Variants in MSI1 observed in about 807,000 individuals in gnomAD.
MSI1 encodes musashi RNA binding protein 1.
Under a neutral mutation model 54.4 loss-of-function variants are expected in MSI1, and 15 were observed. The ratio of observed to expected loss-of-function variants is 0.28; its 90% CI spans 0.18 to 0.42. The LOEUF is 0.42. Among genes scored for constraint, MSI1 ranks in the 20% least tolerant of loss-of-function variants. MSI1 has a pLI of 1.00. For synonymous variants in MSI1, 200 were observed against 196.5 expected (o/e 1.02, Z -0.15); for missense variants, 304 against 506.0 (o/e 0.60, Z 3.83).
At chr12:120,367,968 C>T (rs1565895601) in intron 4 of MSI1, 40 bp downstream of exon 4, 2 of 1,574,238 alleles carry the variant, frequency 1.3e-6, no homozygotes, top group East Asian at 2.3e-5. Context: ...CGGCAGCCTC[C>T]CTCTCCCAAA....
intron 9 of MSI1, 97 bp downstream of exon 9, chr12:120,356,805 G>A: frequency 9.4e-7 from 1 of 1,068,104 alleles, no homozygotes; most frequent in Non-Finnish European, 1.4e-6. Context: ...GACAGGAGGA[G>A]GGCAGACCAC....
chr12:120,356,900 A>ACCCAGCATGCCGATG lies in MSI1; in HGVS notation c.639_652+1dup, dbSNP rs1179872368. 1 of 1,613,086 alleles carries ACCCAGCATGCCGATG rather than the reference A, an allele frequency of 6.2e-7. No individual in the cohort carries two copies. The highest frequency in any genetic ancestry group is 8.5e-7 in the Non-Finnish European group (1 of 1,179,410). On this transcript the variant is annotated splice_donor_variant, in intron 9 of 14. Coordinates refer to ENST00000257552, the MANE Select transcript of MSI1 (RefSeq NM_002442.4). LOFTEE classifies it high-confidence loss of function. ...AAGCCGCAGGCGCAGGCTCGCGCAT[A>ACCCAGCATGCCGATG]CCCAGCATGCCGATGCCCAGCATGA...
rs547256348 is a variant in MSI1 at position 120,369,120 on chromosome 12, A to AGCGGCGGCG, written c.-38_-30dup. On this transcript the variant is annotated 5_prime_UTR_variant, in exon 1 of 15. Transcript: ENST00000257552. Reference sequence around the variant, plus strand: ...GAGCCGCGGGCGGCGCGGGCAGCGGAGCGGCGGCGGCGGCGGCGGCGGCGG... The same window carrying AGCGGCGGCG: ...GAGCCGCGGGCGGCGCGGGCAGCGGAGCGGCGGCGGCGGCGGCGGCGGCGGCGGCGGCGG... The AGCGGCGGCG allele has an allele frequency of 2.7e-4, 274 of 1,003,194 alleles. No homozygotes were observed. The highest frequency in any genetic ancestry group is 1.2e-3 in the East Asian group (11 of 9,412). 62.1% of individuals were successfully genotyped at this position (1,003,194 alleles called of 1,614,324 possible).
At chr12:120,363,176 G>T in intron 5 of MSI1, 41 bp from the exon 6 acceptor site, 2 of 1,567,846 alleles carry the variant, frequency 1.3e-6, no homozygotes, top group Non-Finnish European at 1.8e-6. Flanking sequence ...TCTGAGTCCT[G>T]TGGCCTACCG....
At chr12:120,348,123 A>G (rs1257270522) in intron 11 of MSI1, among the ~76,000 whole-genome samples, 2 of 151,718 alleles carry the variant, frequency 1.3e-5, no homozygotes, top group African/African-American at 4.8e-5. Context: ...CTCCCTGACC[A>G]CCCAGAAATG....
intron 4 of MSI1, among the ~76,000 whole-genome samples, chr12:120,366,502 C>T (rs1365585262): frequency 6.6e-6 from 1 of 152,104 alleles, no homozygotes; most frequent in Admixed American, 6.6e-5. Flanking sequence ...CACCAGCGCA[C>T]CACACACAGT....
chr12:120,364,419 C>G (rs944969200), intron 5 of MSI1, among the ~76,000 whole-genome samples: 3 of 152,128 alleles, frequency 2.0e-5, no homozygotes, highest in African/African-American at 7.2e-5. Context: ...TAGACTCAGG[C>G]TCCAAACTCT....
chr12:120,353,447 C>A, intron 9 of MSI1, 68 bp from the exon 10 acceptor site: 1 of 1,377,096 alleles, frequency 7.3e-7, no homozygotes, highest in Non-Finnish European at 1.0e-6. Flanking sequence ...GGAGAAGGAC[C>A]TGAGCCACTC....
intron 7 of MSI1, 37 bp downstream of exon 7, chr12:120,358,968 G>C (rs771069077): frequency 1.3e-5 from 21 of 1,559,642 alleles, no homozygotes; most frequent in African/African-American, 5.4e-5. Context: ...GCTGACCACG[G>C]GGCCCAGCCT....
At position 120,346,265 on chromosome 12, in the gene MSI1, C is replaced by A. The variant is rs759570454; in HGVS notation, c.917G>T (p.Gly306Val). Residue 306 changes from glycine to valine, a missense_variant, in exon 13 of 15, where the codon GGC becomes GTC. Transcript: ENST00000257552. ...PPGSTPSRTGGFLGTTSPGPM... is the reference protein window; with the variant it reads ...PPGSTPSRTGVFLGTTSPGPM... Reference sequence around the variant, plus strand: ...GCCGGGGCTGGTGGTCCCCAGGAAGCCCCCTGTGCGGCTGGGAGTCGAACC... The same window carrying A: ...GCCGGGGCTGGTGGTCCCCAGGAAGACCCCTGTGCGGCTGGGAGTCGAACC... The A allele has an allele frequency of 4.4e-6, 7 of 1,590,872 alleles. 1 individual carries two copies. The African/African-American group carries it at 9.4e-5, about 21-fold the overall frequency.
At position 120,368,929 on chromosome 12, in the gene MSI1, A is replaced by G. The variant is rs1199311157; in HGVS notation, c.60-56T>C. 3 of 1,306,048 alleles carry G rather than the reference A, an allele frequency of 2.3e-6. No individual in the cohort carries two copies. The highest frequency in any genetic ancestry group is 3.1e-5 in the African/African-American group (2 of 63,590). 80.9% of individuals were successfully genotyped at this position (1,306,048 alleles called of 1,614,324 possible). A position where few individuals can be genotyped will look rare whatever the true frequency, so the allele number is the denominator to read the frequency against. On this transcript the variant is annotated intron_variant, in intron 1 of 14. Transcript: ENST00000257552. The surrounding 1 kb of genome is among the most constrained non-coding windows in gnomAD (Gnocchi z 6.6). ...GCGTGAGCGCCGGGCGCCAGGGCGC[A>G]GGGGGCGCGGGCCCGGGCTCCGGGG... is the stretch of plus-strand genomic sequence containing the variant.
intron 7 of MSI1, among the ~76,000 whole-genome samples, chr12:120,358,625 G>A (rs1290866459): frequency 6.6e-6 from 1 of 152,194 alleles, no homozygotes; most frequent in Admixed American, 6.5e-5. Flanking sequence ...CGGGGCTGGG[G>A]GCTGGGGGCT....
rs1329452870 is a variant in MSI1 at position 120,359,160 on chromosome 12, T to C, written c.403-107A>G. 8.0e-6 allele frequency: 11 copies of C among 1,377,864 alleles called. No individual in the cohort carries two copies. In the East Asian group the frequency reaches 2.0e-4, roughly 25 times the overall value. The allele number at this position is 1,377,864 out of a possible 1,614,324, so 85.4% of individuals were successfully genotyped here. On this transcript the variant is annotated intron_variant, in intron 6 of 14. Transcript: ENST00000257552. ...ACTGCCCTCTTGCCCACTCCAGGCT[T>C]GACCTTCAACCTGCTCCCTGCACAG...
At chr12:120,347,634 G>GC (rs1463754329) in intron 11 of MSI1, 120 bp from the exon 12 acceptor site, 4 of 1,229,224 alleles carry the variant, frequency 3.3e-6, no homozygotes, top group Admixed American at 3.8e-5. Flanking sequence ...GTTCCATGTA[G>GC]CCCCAGGGTC....
At chr12:120,353,447 C>T (rs1874818988) in intron 9 of MSI1, 68 bp from the exon 10 acceptor site, 2 of 1,377,000 alleles carry the variant, frequency 1.5e-6, no homozygotes, top group African/African-American at 1.4e-5. Flanking sequence ...GGAGAAGGAC[C>T]TGAGCCACTC....
At chr12:120,351,494 G>A (rs1476169068) in intron 10 of MSI1, 94 bp from the exon 11 acceptor site, 1 of 1,133,362 alleles carries the variant, frequency 8.8e-7, no homozygotes, top group African/African-American at 1.5e-5. Context: ...GACACTGGGT[G>A]AGGAGACAGG....
In MSI1 at chr12:120,347,826, T is replaced by C. The variant is rs926816035; in HGVS notation, c.791-312A>G. 2.6e-5 allele frequency among the ~76,000 whole-genome samples: 4 copies of C among 152,114 alleles called. 1 individual carries two copies. The highest frequency in any genetic ancestry group is 5.9e-5 in the Non-Finnish European group (4 of 67,986). The stretch of plus-strand genomic sequence containing the variant: ...AGGGTGGAGGCAGGGCACCCAACCC[T>C]GAGAAGCTGCGAAGGTTGCCCGCAG... On this transcript the variant is annotated intron_variant, in intron 11 of 14. Transcript: ENST00000257552.
Position 120,368,807 on chromosome 12 carries a change from C to G in MSI1, c.100+26G>C. 11 of 1,392,936 alleles carry G rather than the reference C, an allele frequency of 7.9e-6. No homozygotes were observed. Among genetic ancestry groups the G allele is most frequent in the Non-Finnish European group, 1.0e-5 (11 of 1,058,518 alleles). The allele number at this position is 1,392,936 out of a possible 1,614,324, so 86.3% of individuals were successfully genotyped here. ...GGGGGTCCGGGGTGCCCTGCCGGAC[C>G]GGCGGGCGCTCCCGGGCTCGCTCAC... On this transcript the variant is annotated intron_variant, in intron 2 of 14. Transcript: ENST00000257552. The surrounding 1 kb of genome is among the most constrained non-coding windows in gnomAD (Gnocchi z 6.6).
chr12:120,340,547 C>T (rs1215195410), downstream of MSI1, among the ~76,000 whole-genome samples: 1 of 152,088 alleles, frequency 6.6e-6, no homozygotes, highest in Non-Finnish European at 1.5e-5. Context: ...GAGCATCTTG[C>T]TCTGTCCTCC....
Sources: allele counts gnomAD v4.1 joint callset (sites outside exome capture counted in the v4.1 genomes callset), GRCh38; gene constraint gnomAD v4.1.1; non-coding constraint Gnocchi (gnomAD v3.1); transcripts MANE v1.5; gene names NCBI Gene and HGNC (gene_info 2026-07-23, HGNC 2026-07-21).